The following GLI3 variants were observed in gnomAD, a reference collection of about 807,000 sequenced individuals.
The protein encoded by GLI3 is transcription activator GLI3.
In GLI3, 20 loss-of-function variants were observed where a neutral mutation model predicts 100.8. That is an observed-to-expected ratio of 0.20 (90% CI 0.14 to 0.29). GLI3 has a LOEUF of 0.29. GLI3 is among the 10% of genes least tolerant of loss of function. The pLI is 1.00. For missense variants in GLI3, 2,040 were observed against 2,128.5 expected (o/e 0.96, Z 0.82); for synonymous variants, 938 against 860.5 (o/e 1.09, Z -1.58).
At chr7:42,158,684 T>G (rs975308177) in intron 2 of GLI3, among the ~76,000 whole-genome samples, 3 of 152,092 alleles carry the variant, frequency 2.0e-5, no homozygotes, top group Admixed American at 6.6e-5. Context: ...AGAGACAGGA[T>G]TTCACAATGT....
chr7:42,121,581 C>T (rs1786001002), intron 3 of GLI3, among the ~76,000 whole-genome samples: 3 of 152,184 alleles, frequency 2.0e-5, no homozygotes, highest in Admixed American at 2.0e-4. Flanking sequence ...AAGCCCCTGC[C>T]CTCTCTTCCA....
At chr7:42,244,786 G>C (rs1223586920) in intron 1 of GLI3, among the ~76,000 whole-genome samples, 1 of 152,072 alleles carries the variant, frequency 6.6e-6, no homozygotes, top group East Asian at 1.9e-4. Context: ...CCCAAGGAAG[G>C]ATCCCAGCCA....
At chr7:42,220,610 C>T (rs1788467529) in intron 2 of GLI3, among the ~76,000 whole-genome samples, 1 of 152,174 alleles carries the variant, frequency 6.6e-6, no homozygotes. Context: ...TCAGCATAAT[C>T]CTGGGACTGT....
intron 3 of GLI3, among the ~76,000 whole-genome samples, chr7:42,142,330 A>C (rs527448510): frequency 6.6e-6 from 1 of 152,234 alleles, no homozygotes; most frequent in Non-Finnish European, 1.5e-5. Flanking sequence ...TGTAGAAGAG[A>C]ACAGTGCCAG....
chr7:42,204,002 T>C (rs1189736675), intron 2 of GLI3, among the ~76,000 whole-genome samples: 1 of 151,872 alleles, frequency 6.6e-6, no homozygotes, highest in Non-Finnish European at 1.5e-5. Context: ...AAAATATATA[T>C]ATATTACTCT....
chr7:42,091,038 T>G (rs1249191848), intron 3 of GLI3, among the ~76,000 whole-genome samples: 1 of 152,098 alleles, frequency 6.6e-6, no homozygotes, highest in Admixed American at 6.5e-5. Flanking sequence ...GCATGGGGCC[T>G]GTGCAGCCCC....
intron 3 of GLI3, among the ~76,000 whole-genome samples, chr7:42,112,547 T>C (rs931049382): frequency 7.2e-5 from 11 of 152,228 alleles, no homozygotes; most frequent in African/African-American, 2.7e-4. Context: ...ATGTGATTAT[T>C]ACATATTGCA....
chr7:41,988,601 C>G (rs1787896123), intron 10 of GLI3, among the ~76,000 whole-genome samples: 1 of 152,106 alleles, frequency 6.6e-6, no homozygotes, highest in African/African-American at 2.4e-5. Flanking sequence ...GCCAGAGGCT[C>G]CAGCTATAAG....
At position 42,040,249 on chromosome 7, in the gene GLI3, A is replaced by C; in HGVS notation, c.827-10T>G. 6.2e-7 allele frequency: 1 copy of C among 1,607,184 alleles called. No individual in the cohort carries two copies. The highest frequency in any genetic ancestry group is 1.1e-5 in the South Asian group (1 of 90,904). On this transcript the variant is annotated splice_polypyrimidine_tract_variant and intron_variant, in intron 6 of 14. Coordinates refer to ENST00000395925, the MANE Select transcript of GLI3 (RefSeq NM_000168.6). The stretch of plus-strand genomic sequence containing the variant: ...CTGGAGAATCTGGTGCCTGTTATAT[A>C]AACAAAAAAGAACCTAATTACCTGC...
intron 2 of GLI3, among the ~76,000 whole-genome samples, chr7:42,193,593 G>A (rs1054259675): frequency 1.3e-5 from 2 of 152,142 alleles, no homozygotes; most frequent in Admixed American, 6.5e-5. Context: ...AGGAGCAGAG[G>A]TTTTTGTGTT....
chr7:42,055,086 TACATATATAC>T (rs1784429882), intron 4 of GLI3, among the ~76,000 whole-genome samples: 4 of 136,470 alleles, frequency 2.9e-5, no homozygotes, highest in African/African-American at 1.3e-4. Context: ...TATGTATATA[TACATATATAC>T]ACATATATGT....
intron 10 of GLI3, among the ~76,000 whole-genome samples, chr7:42,007,997 G>A: frequency 6.6e-6 from 1 of 152,340 alleles, no homozygotes; most frequent in Non-Finnish European, 1.5e-5. Context: ...GTTCTTTGTT[G>A]AGAACAAATG....
chr7:42,030,209 A>G (rs1789246370), intron 7 of GLI3, among the ~76,000 whole-genome samples: 1 of 151,748 alleles, frequency 6.6e-6, no homozygotes, highest in Non-Finnish European at 1.5e-5. Flanking sequence ...TCCTCCTCTG[A>G]CCCTAACTTG....
At position 42,025,359 on chromosome 7, in the gene GLI3, A is replaced by G. The variant is rs1185717910; in HGVS notation, c.1261T>C (p.Ser421Pro). ...ESSQNKPTSE[S>P]AVSSTGDPMH... is the part of the protein sequence containing the mutation. ...GGGTCACCAGTGCTGCTCACTGCAGACTCACTCGTGGGCTTGTTCTGCTGG... is the reference window on the plus strand; with the variant it reads ...GGGTCACCAGTGCTGCTCACTGCAGGCTCACTCGTGGGCTTGTTCTGCTGG... The change falls in exon 9 of 15, where the codon TCT becomes CCT. Residue 421 changes from serine (S) to proline (P), a missense_variant. Transcript: ENST00000395925. 1.2e-6 allele frequency: 2 copies of G among 1,613,574 alleles called. No homozygotes were observed. Among genetic ancestry groups the G allele is most frequent in the Non-Finnish European group, 1.7e-6 (2 of 1,179,680 alleles).
At chr7:42,238,152 G>A (rs1788871416), upstream of GLI3, among the ~76,000 whole-genome samples, 1 of 151,068 alleles carries the variant, frequency 6.6e-6, no homozygotes, top group Non-Finnish European at 1.5e-5. Context: ...CACCCGGCGA[G>A]GGGAAGGGGG....
chr7:42,163,734 A>T (rs1363661269), intron 2 of GLI3, among the ~76,000 whole-genome samples: 1 of 151,950 alleles, frequency 6.6e-6, no homozygotes, highest in Non-Finnish European at 1.5e-5. Context: ...CTGGCCATGT[A>T]CCATCTCTAT....
chr7:41,967,702 C>T lies in GLI3; in HGVS notation c.2325G>A (p.Met775Ile), dbSNP rs1562660972. The change falls in exon 14 of 15, where the codon ATG (methionine) becomes ATA (isoleucine). Residue 775 changes from methionine (M) to isoleucine (I), a missense_variant. Met to Ile is a conservative substitution (Grantham distance 10, BLOSUM62 1). Transcript: ENST00000395925. ...ARRNPAGTKWMEHVKLERLKQ... is the reference protein window; with the variant it reads ...ARRNPAGTKWIEHVKLERLKQ... ...TTAGCCTTTCTAGTTTTACGTGCTCCATCCATTTGGTCCCTGCCGGGTTTC... is the reference window on the plus strand; with the variant it reads ...TTAGCCTTTCTAGTTTTACGTGCTCTATCCATTTGGTCCCTGCCGGGTTTC... 1 of 1,614,196 alleles carries T rather than the reference C, an allele frequency of 6.2e-7. No individual in the cohort carries two copies. The highest frequency in any genetic ancestry group is 8.5e-7 in the Non-Finnish European group (1 of 1,180,024).
At chr7:42,131,615 A>G (rs1786278773) in intron 3 of GLI3, among the ~76,000 whole-genome samples, 1 of 152,178 alleles carries the variant, frequency 6.6e-6, no homozygotes, top group Admixed American at 6.5e-5. Context: ...AACATAGCAG[A>G]TGTGGTTATG....
chr7:42,149,394 T>C (rs1348504568), intron 2 of GLI3, among the ~76,000 whole-genome samples: 1 of 152,248 alleles, frequency 6.6e-6, no homozygotes, highest in Non-Finnish European at 1.5e-5. Flanking sequence ...TTCTCCACTA[T>C]GGTTCTCTGC....
Sources: allele counts gnomAD v4.1 joint callset (sites outside exome capture counted in the v4.1 genomes callset), GRCh38; gene constraint gnomAD v4.1.1; transcripts MANE v1.5; gene names NCBI Gene and HGNC (gene_info 2026-07-23, HGNC 2026-07-21).